Variants in RSF1 observed in about 807,000 individuals in gnomAD.
RSF1 encodes HBV pX-associated protein 8.
Under a neutral mutation model 145.2 loss-of-function variants are expected in RSF1, and 13 were observed. The ratio of observed to expected loss-of-function variants is 0.09; its 90% CI spans 0.06 to 0.14. The LOEUF is 0.14. Among genes scored for constraint, RSF1 ranks in the 10% least tolerant of loss-of-function variants. The pLI, the probability that RSF1 is intolerant of heterozygous loss-of-function variation, is 1.00. For synonymous variants in RSF1, 577 were observed against 592.6 expected (o/e 0.97, Z 0.38); for missense variants, 1,517 against 1,718.2 (o/e 0.88, Z 2.07).
In RSF1 at chr11:77,700,833, T is replaced by G. The variant is rs1565152708; in HGVS notation, c.2396A>C (p.Lys799Thr). Residue 799 changes from lysine to threonine, a missense_variant, in exon 6 of 16, where the codon AAA becomes ACA. Transcript: ENST00000308488. ...AEIRDQKADK[K>T]RGEGEDEVEE... ...CACCTCATCTTCTCCTTCCCCTCTT[T>G]TTTTATCAGCTTTCTGATCTCTGAT... is the stretch of plus-strand genomic sequence containing the variant. 1 of 1,613,540 alleles carries G rather than the reference T, an allele frequency of 6.2e-7. No individual in the cohort carries two copies. Among genetic ancestry groups the G allele is most frequent in the Admixed American group, 1.7e-5 (1 of 60,016 alleles).
In RSF1 at chr11:77,661,923, A is replaced by G. The variant is rs2135798542; in HGVS notation, c.*4994T>C. 6.6e-6 allele frequency: 1 copy of G among 152,200 alleles called. No individual in the cohort carries two copies. The highest frequency in any genetic ancestry group is 1.9e-4 in the East Asian group (1 of 5,190). The allele number at this position is 152,200 out of a possible 1,614,324, so 9.4% of individuals were successfully genotyped here. A position where few individuals can be genotyped will look rare whatever the true frequency, so the allele number is the denominator to read the frequency against. The stretch of plus-strand genomic sequence containing the variant: ...TAAATACAGATCAAACAAAACCGCA[A>G]AACACTTAAATTAGATTTCTTTAGA... On this transcript the variant is annotated 3_prime_UTR_variant, in exon 16 of 16. Transcript: ENST00000308488.
chr11:77,729,278 A>C (rs1444233084), intron 4 of RSF1, among the ~76,000 whole-genome samples: 3 of 152,208 alleles, frequency 2.0e-5, no homozygotes, highest in Admixed American at 1.3e-4. Context: ...CAAGGAAAGG[A>C]TGTAGCTGCT....
Position 77,691,530 on chromosome 11 carries a change from A to G in RSF1, c.2821-292T>C, listed in dbSNP as rs1440977714. 16 of 363,350 alleles carry G rather than the reference A, an allele frequency of 4.4e-5. No homozygotes were observed. In the Admixed American group the frequency reaches 6.9e-4, roughly 16 times the overall value. The allele number at this position is 363,350 out of a possible 1,614,324, so 22.5% of individuals were successfully genotyped here. ...TGTTTAAAACAGCATTTGGTTCAAC[A>G]TGTGTATGTAACAGTGATTATACTT... On this transcript the variant is annotated intron_variant, in intron 8 of 15. Transcript: ENST00000308488.
At chr11:77,727,857 C>G (rs1961096503) in intron 4 of RSF1, among the ~76,000 whole-genome samples, 1 of 152,116 alleles carries the variant, frequency 6.6e-6, no homozygotes, top group African/African-American at 2.4e-5. Flanking sequence ...GGCTTTTAAT[C>G]TGTTTAATGT....
the RSF1 span, among the ~76,000 whole-genome samples, chr11:77,854,388 A>G: frequency 6.6e-6 from 1 of 152,206 alleles, no homozygotes; most frequent in African/African-American, 2.4e-5. Context: ...CTATGAGCCT[A>G]TAAGATCAAA....
upstream of RSF1, chr11:77,821,111 G>A (rs1240833676): frequency 1.4e-5 from 6 of 442,408 alleles, no homozygotes; most frequent in Non-Finnish European, 2.4e-5. Context: ...GGCCTCGGGC[G>A]CTGTTCAACT....
At chr11:77,849,217 A>T in the RSF1 span, among the ~76,000 whole-genome samples, 4 of 150,372 alleles carry the variant, frequency 2.7e-5, no homozygotes, top group East Asian at 3.9e-4. Context: ...TTTATTTTTT[A>T]TTTTTATTTT....
intron 1 of RSF1, among the ~76,000 whole-genome samples, chr11:77,781,328 A>G (rs1307559823): frequency 6.6e-6 from 1 of 152,136 alleles, no homozygotes; most frequent in Non-Finnish European, 1.5e-5. Flanking sequence ...CGAACTTCTG[A>G]CCTCAAGTGT....
rs1959277992 is a variant in RSF1, at chr11:77,663,331, C to G, written c.*3586G>C. On this transcript the variant is annotated 3_prime_UTR_variant, in exon 16 of 16. Coordinates refer to ENST00000308488, the MANE Select transcript of RSF1 (RefSeq NM_016578.4). ...TTTCCTCATCATTTTGACTATTAAA[C>G]AAGTAAATGTCCATGTTTTTCTTAA... The G allele has an allele frequency of 6.6e-6, 1 of 152,256 alleles. No homozygotes were observed. Among genetic ancestry groups the G allele is most frequent in the Non-Finnish European group, 1.5e-5 (1 of 68,004 alleles). The allele number at this position is 152,256 out of a possible 1,614,324, so 9.4% of individuals were successfully genotyped here.
chr11:77,813,306 TA>T, intron 1 of RSF1: 1 of 772,156 alleles, frequency 1.3e-6, no homozygotes, highest in Non-Finnish European at 2.3e-6. Flanking sequence ...ATCAATTTAT[TA>T]AAATAGTTGA....
intron 12 of RSF1, 70 bp from the exon 13 acceptor site, chr11:77,677,069 A>G: frequency 8.4e-7 from 1 of 1,195,462 alleles, no homozygotes; most frequent in Non-Finnish European, 1.2e-6. Flanking sequence ...TTTAATTTCT[A>G]GAGACAGTCC....
At chr11:77,732,140 C>G (rs1171975757) in intron 4 of RSF1, among the ~76,000 whole-genome samples, 1 of 152,252 alleles carries the variant, frequency 6.6e-6, no homozygotes. Flanking sequence ...CCACTTGCAT[C>G]AGCATGACCC....
intron 15 of RSF1, among the ~76,000 whole-genome samples, chr11:77,667,906 T>A (rs1590818758): frequency 6.6e-6 from 1 of 152,138 alleles, no homozygotes; most frequent in African/African-American, 2.4e-5. Context: ...GGTTTCACTA[T>A]GTTGGCCAAG....
chr11:77,752,194 G>A (rs767856842), intron 2 of RSF1, among the ~76,000 whole-genome samples: 1 of 152,132 alleles, frequency 6.6e-6, no homozygotes, highest in African/African-American at 2.4e-5. Flanking sequence ...CTGAAAAATC[G>A]AGCTGCAAAC....
chr11:77,795,172 A>G (rs1333331189), intron 1 of RSF1, among the ~76,000 whole-genome samples: 1 of 152,244 alleles, frequency 6.6e-6, no homozygotes, highest in Non-Finnish European at 1.5e-5. Context: ...CAAAACTATA[A>G]AACACTGACT....
At chr11:77,752,053 C>T (rs1254379839) in intron 2 of RSF1, among the ~76,000 whole-genome samples, 1 of 152,138 alleles carries the variant, frequency 6.6e-6, no homozygotes, top group Non-Finnish European at 1.5e-5. Flanking sequence ...AAAAAGACAA[C>T]CCATTCAAAC....
chr11:77,791,809 C>T (rs538981575), intron 1 of RSF1, among the ~76,000 whole-genome samples: 16 of 152,288 alleles, frequency 1.1e-4, no homozygotes, highest in African/African-American at 2.6e-4. Flanking sequence ...TTGTCCATAT[C>T]GCTATCAGGC....
intron 1 of RSF1, among the ~76,000 whole-genome samples, chr11:77,814,888 T>C (rs1948767261): frequency 6.7e-6 from 1 of 148,812 alleles, no homozygotes; most frequent in South Asian, 2.1e-4. Context: ...CCCCAAAATA[T>C]GGTTTTTTTT....
intron 11 of RSF1, among the ~76,000 whole-genome samples, chr11:77,678,642 G>A (rs1959777379): frequency 6.6e-6 from 1 of 152,178 alleles, no homozygotes; most frequent in East Asian, 1.9e-4. Flanking sequence ...GTCTTTGGCA[G>A]AGCCCTCATG....
Sources: allele counts gnomAD v4.1 joint callset (sites outside exome capture counted in the v4.1 genomes callset), GRCh38; gene constraint gnomAD v4.1.1; transcripts MANE v1.5; gene names NCBI Gene and HGNC (gene_info 2026-07-23, HGNC 2026-07-21).